PCDHGB3: variants seen among roughly 807,000 people sequenced by gnomAD.
The protein encoded by PCDHGB3 is protocadherin gamma subfamily B, 3, also known as protocadherin gamma-B3.
PCDHGB3 carries 40 observed loss-of-function variants against 59.2 expected under a neutral mutation model. The observed-to-expected ratio is 0.68, with a 90% confidence interval of 0.52 to 0.88. PCDHGB3 has a LOEUF of 0.88. Among genes scored for constraint, PCDHGB3 ranks in the 40% least tolerant of loss-of-function variants. PCDHGB3 has a pLI of 0.00. For synonymous variants in PCDHGB3, 581 were observed against 503.6 expected, an observed-to-expected ratio of 1.15 and a Z score of -2.06; for missense variants, 1,309 against 1,187.9, an observed-to-expected ratio of 1.10 and a Z score of -1.50.
In PCDHGB3 at chr5:141,431,561, G is replaced by T; in HGVS notation, c.2415+58752G>T. The T allele has an allele frequency of 6.2e-7, 1 of 1,614,146 alleles. No homozygotes were observed. On this transcript the variant is annotated intron_variant, in intron 1 of 3. Transcript: ENST00000576222. This position sits in a 1 kb window ranked among gnomAD's most constrained non-coding sequence, Gnocchi z 4.8. Reference sequence around the variant, plus strand: ...GCAGCTGCTTGTAGTCAACGCTACCGACCCTGACGAAGGAGTCAATGCGGA... The same window carrying T: ...GCAGCTGCTTGTAGTCAACGCTACCTACCCTGACGAAGGAGTCAATGCGGA...
Position 141,512,836 on chromosome 5 carries a change from T to G in PCDHGB3, c.*1663T>G, listed in dbSNP as rs1024777792. On this transcript the variant is annotated 3_prime_UTR_variant, in exon 4 of 4. Transcript: ENST00000576222. ...GGCGACCCCCTCCCCCGTACTGACTTCTCCTATAAGCGCTTCTCTTCGCAT... is the reference window on the plus strand; with the variant it reads ...GGCGACCCCCTCCCCCGTACTGACTGCTCCTATAAGCGCTTCTCTTCGCAT... 2 of 152,222 alleles carry G rather than the reference T, an allele frequency of 1.3e-5. No homozygotes were observed. Among genetic ancestry groups the G allele is most frequent in the African/African-American group, 4.8e-5 (2 of 41,412 alleles). The allele number at this position is 152,222 out of a possible 1,614,324, so 9.4% of individuals were successfully genotyped here. A position where few individuals can be genotyped will look rare whatever the true frequency, so the allele number is the denominator to read the frequency against.
At chr5:141,375,677 G>C (rs1171088976) in intron 1 of PCDHGB3, 2 of 1,614,236 alleles carry the variant, frequency 1.2e-6, no homozygotes, top group African/African-American at 2.7e-5. Flanking sequence ...ACAGCTGTGG[G>C]TGACAGCCAG....
intron 2 of PCDHGB3, among the ~76,000 whole-genome samples, chr5:141,503,797 G>A (rs2099831309): frequency 6.6e-6 from 1 of 152,006 alleles, no homozygotes; most frequent in South Asian, 2.1e-4. Context: ...ATCTACTTAG[G>A]GACGGGGAAT....
rs757503771 is a variant in PCDHGB3 at position 141,433,052 on chromosome 5, A to C, written c.2415+60243A>C. 31 of 1,614,060 alleles carry C rather than the reference A, an allele frequency of 1.9e-5. No homozygotes were observed. Among genetic ancestry groups the C allele is most frequent in the Non-Finnish European group, 1.8e-5 (21 of 1,180,044 alleles). On this transcript the variant is annotated intron_variant, in intron 1 of 3. Coordinates refer to ENST00000576222, the MANE Select transcript of PCDHGB3 (RefSeq NM_018924.5). ...GGTTTCCCTCACCACGGACTCGCGG[A>C]AGAGTCACCTGATCTTCCCCCAGCC...
rs979237199 is a variant in PCDHGB3, at chr5:141,477,828, G to C, written c.2416-16979G>C. On this transcript the variant is annotated intron_variant, in intron 1 of 3. Transcript: ENST00000576222. This position sits in a 1 kb window ranked among gnomAD's most constrained non-coding sequence, Gnocchi z 4.9. Reference sequence around the variant, plus strand: ...AATGCCCCCCAGGTCCTATATCCTCGGCCAGGTGGGAGCTCGGTGGAGATG... The same window carrying C: ...AATGCCCCCCAGGTCCTATATCCTCCGCCAGGTGGGAGCTCGGTGGAGATG... The C allele has an allele frequency of 3.7e-6, 6 of 1,614,082 alleles. No individual in the cohort carries two copies. The highest frequency in any genetic ancestry group is 3.4e-6 in the Non-Finnish European group (4 of 1,180,006).
intron 1 of PCDHGB3, chr5:141,376,103 G>T (rs1035502137): frequency 3.1e-6 from 5 of 1,613,624 alleles, no homozygotes; most frequent in African/African-American, 2.7e-5. Context: ...CATCCTGGCC[G>T]ACCTGGGCAG....
At chr5:141,394,338 T>C in intron 1 of PCDHGB3, 2 of 1,614,048 alleles carry the variant, frequency 1.2e-6, no homozygotes, top group Non-Finnish European at 1.7e-6. Flanking sequence ...CTCCATCAAC[T>C]CTGACACCGG....
At chr5:141,379,947 T>C (rs546796076) in intron 1 of PCDHGB3, among the ~76,000 whole-genome samples, 40 of 134,556 alleles carry the variant, frequency 3.0e-4, no homozygotes, top group African/African-American at 9.9e-4. Context: ...TCTCCCAGGC[T>C]GGAATGCAGT....
At position 141,484,105 on chromosome 5, in the gene PCDHGB3, A is replaced by G. The variant is rs548687877; in HGVS notation, c.2416-10702A>G. On this transcript the variant is annotated intron_variant, in intron 1 of 3. Coordinates refer to ENST00000576222, the MANE Select transcript of PCDHGB3 (RefSeq NM_018924.5). Reference sequence around the variant, plus strand: ...GAAATGGTCTTCGTTGGTAATTAACAAAAGATCAAGAATACCTTGGTGTCA... The same window carrying G: ...GAAATGGTCTTCGTTGGTAATTAACGAAAGATCAAGAATACCTTGGTGTCA... Among the ~76,000 whole-genome samples, 3 of 152,316 alleles carry G rather than the reference A, an allele frequency of 2.0e-5. No individual in the cohort carries two copies. In the South Asian group the frequency reaches 6.2e-4, roughly 32 times the overall value.
chr5:141,426,276 C>A, intron 1 of PCDHGB3: 1 of 164,340 alleles, frequency 6.1e-6, no homozygotes, highest in South Asian at 1.6e-4. Context: ...TGCAGCAACG[C>A]ATGGGAAGGA....
At chr5:141,501,013 C>T (rs1456343329) in intron 2 of PCDHGB3, among the ~76,000 whole-genome samples, 2 of 151,970 alleles carry the variant, frequency 1.3e-5, no homozygotes, top group Non-Finnish European at 2.9e-5. Context: ...GGACTACAGG[C>T]ACGCGCCACC....
intron 1 of PCDHGB3, chr5:141,387,998 C>T: frequency 6.7e-7 from 1 of 1,485,204 alleles, no homozygotes; most frequent in South Asian, 1.3e-5. Flanking sequence ...ACAGGATTCC[C>T]GAGGAAATGC....
intron 1 of PCDHGB3, among the ~76,000 whole-genome samples, chr5:141,479,878 A>G (rs1033313584): frequency 2.0e-5 from 3 of 152,170 alleles, no homozygotes; most frequent in African/African-American, 7.2e-5. Context: ...AGAACCCTAT[A>G]CATACTCTCA....
intron 1 of PCDHGB3, among the ~76,000 whole-genome samples, chr5:141,434,409 T>G (rs2097692930): frequency 6.6e-6 from 1 of 152,232 alleles, no homozygotes; most frequent in South Asian, 2.1e-4. Context: ...TCTGCAGCAC[T>G]GTGACATGTT....
At chr5:141,473,853 C>T (rs2099329853) in intron 1 of PCDHGB3, among the ~76,000 whole-genome samples, 1 of 152,128 alleles carries the variant, frequency 6.6e-6, no homozygotes, top group Non-Finnish European at 1.5e-5. Flanking sequence ...GGAAGATGAA[C>T]CTCGCTATTG....
rs1036281905 is a variant in PCDHGB3 at position 141,493,555 on chromosome 5, T to C, written c.2416-1252T>C. ...GCCAGTTATCCTTTTGGAGATTGAG[T>C]TCCCCCAGCTCCGTTTCCTCCTATC... On this transcript the variant is annotated intron_variant, in intron 1 of 3. Transcript: ENST00000576222. This position sits in a 1 kb window ranked among gnomAD's most constrained non-coding sequence, Gnocchi z 4.3. Among the ~76,000 whole-genome samples, 3 of 152,012 alleles carry C rather than the reference T, an allele frequency of 2.0e-5. No individual in the cohort carries two copies. Among genetic ancestry groups the C allele is most frequent in the African/African-American group, 7.3e-5 (3 of 41,362 alleles).
chr5:141,494,510 C>T (rs1462702765), intron 1 of PCDHGB3, among the ~76,000 whole-genome samples: 1 of 152,156 alleles, frequency 6.6e-6, no homozygotes, highest in Non-Finnish European at 1.5e-5. Context: ...TGAATTTTGG[C>T]TCAGGAGTTC....
rs765743251 is a variant in PCDHGB3 at position 141,476,488 on chromosome 5, G to A, written c.2416-18319G>A. ...TGGAGCTGTTCAGCGTGGAAGTGGTGATCCAGGACATCAACGACAACAATC... is the reference window on the plus strand; with the variant it reads ...TGGAGCTGTTCAGCGTGGAAGTGGTAATCCAGGACATCAACGACAACAATC... On this transcript the variant is annotated intron_variant, in intron 1 of 3. Coordinates refer to ENST00000576222, the MANE Select transcript of PCDHGB3 (RefSeq NM_018924.5). This position sits in a 1 kb window ranked among gnomAD's most constrained non-coding sequence, Gnocchi z 7.6. 4 of 1,613,932 alleles carry A rather than the reference G, an allele frequency of 2.5e-6. No homozygotes were observed. Among genetic ancestry groups the A allele is most frequent in the Non-Finnish European group, 3.4e-6 (4 of 1,180,016 alleles).
chr5:141,480,837 G>T (rs1435750544), intron 1 of PCDHGB3, among the ~76,000 whole-genome samples: 2 of 152,168 alleles, frequency 1.3e-5, no homozygotes, highest in African/African-American at 4.8e-5. Flanking sequence ...ATAAGATCAG[G>T]AGTTTGAGAC....
Sources: allele counts gnomAD v4.1 joint callset (sites outside exome capture counted in the v4.1 genomes callset), GRCh38; gene constraint gnomAD v4.1.1; non-coding constraint Gnocchi (gnomAD v3.1); transcripts MANE v1.5; gene names NCBI Gene and HGNC (gene_info 2026-07-23, HGNC 2026-07-21).